Variants in PLEKHS1 observed in about 807,000 individuals in gnomAD.
PLEKHS1 encodes pleckstrin homology domain containing S1.
A neutral mutation model predicts 51.0 loss-of-function variants in PLEKHS1; 55 were observed. The observed-to-expected ratio is 1.08, with a 90% CI of 0.87 to 1.35. The LOEUF is 1.35. PLEKHS1 is among the 40% of genes most tolerant of loss of function. The probability of loss-of-function intolerance (pLI) is 0.00; values close to 1 mark genes in which losing one functional copy is unlikely to be tolerated. For missense variants in PLEKHS1, 398 were observed against 423.0 expected (o/e 0.94, Z 0.52); for synonymous variants, 153 against 144.8 (o/e 1.06, Z -0.41).
exon 9 of PLEKHS1, chr10:113,774,326 G>A: frequency 6.4e-7 from 1 of 1,566,332 alleles, no homozygotes; most frequent in Non-Finnish European, 8.6e-7. Context: ...TGAGCCAATG[G>A]AATCCTAGTA....
rs766318592 is a variant in PLEKHS1 at position 113,771,963 on chromosome 10, TC to T, written c.553-6del. On this transcript the variant is annotated splice_polypyrimidine_tract_variant and splice_region_variant and intron_variant, in intron 7 of 11. Transcript: ENST00000361048. Reference sequence around the variant, plus strand: ...AAAAGCAAAGCATTTTTATCTCTTTTCTTCAGCATTTAATGGAACAAAGTTC... The same window carrying T: ...AAAAGCAAAGCATTTTTATCTCTTTTTTCAGCATTTAATGGAACAAAGTTC... The T allele has an allele frequency of 6.2e-7, 1 of 1,601,678 alleles. No homozygotes were observed. Among genetic ancestry groups the T allele is most frequent in the Non-Finnish European group, 8.5e-7 (1 of 1,177,180 alleles).
At chr10:113,763,554 A>T (rs1844036567) in intron 2 of PLEKHS1, among the ~76,000 whole-genome samples, 1 of 151,902 alleles carries the variant, frequency 6.6e-6, no homozygotes, top group East Asian at 1.9e-4. Context: ...GAATAATCGA[A>T]TTTTTTATGA....
intron 1 of PLEKHS1, among the ~76,000 whole-genome samples, chr10:113,752,880 G>C (rs1853913413): frequency 6.6e-6 from 1 of 152,300 alleles, no homozygotes; most frequent in East Asian, 1.9e-4. Context: ...GAGTGTCCAT[G>C]AGCATGAATG....
intron 7 of PLEKHS1, 58 bp from the exon 8 acceptor site, chr10:113,771,912 T>C: frequency 6.4e-7 from 1 of 1,556,320 alleles, no homozygotes; most frequent in East Asian, 2.3e-5. Flanking sequence ...AGAATGCATG[T>C]GATTTAATTC....
intron 11 of PLEKHS1, among the ~76,000 whole-genome samples, chr10:113,778,874 G>A (rs987376537): frequency 2.6e-5 from 4 of 152,062 alleles, no homozygotes; most frequent in Non-Finnish European, 4.4e-5. Context: ...CTCGTGATCC[G>A]CCCGCCTCGG....
At chr10:113,761,109 C>G (rs1438359687) in intron 2 of PLEKHS1, among the ~76,000 whole-genome samples, 3 of 152,176 alleles carry the variant, frequency 2.0e-5, no homozygotes, top group Non-Finnish European at 2.9e-5. Context: ...GGGTTTGTTT[C>G]TGGACTCTGA....
chr10:113,778,238 G>C (rs1379824411), intron 11 of PLEKHS1, among the ~76,000 whole-genome samples: 1 of 152,196 alleles, frequency 6.6e-6, no homozygotes, highest in Non-Finnish European at 1.5e-5. Flanking sequence ...CCCCAGGATG[G>C]AGGTGAAAGG....
At chr10:113,769,322 T>C (rs1844296809) in intron 6 of PLEKHS1, among the ~76,000 whole-genome samples, 1 of 152,256 alleles carries the variant, frequency 6.6e-6, no homozygotes, top group African/African-American at 2.4e-5. Flanking sequence ...GTTTTAAACT[T>C]ATTTCAAAAG....
chr10:113,776,121 C>T (rs77678534), intron 11 of PLEKHS1, among the ~76,000 whole-genome samples: 2 of 152,104 alleles, frequency 1.3e-5, no homozygotes, highest in African/African-American at 4.8e-5. Flanking sequence ...TTTCTGACTC[C>T]TCTAAGGGAG....
chr10:113,757,076 C>T (rs1476569415), intron 2 of PLEKHS1, among the ~76,000 whole-genome samples: 1 of 152,100 alleles, frequency 6.6e-6, no homozygotes, highest in East Asian at 1.9e-4. Flanking sequence ...ATGCCTGGCT[C>T]ATTTTTTTGT....
At chr10:113,775,792 G>A in exon 11 of PLEKHS1, 1 of 1,613,046 alleles carries the variant, frequency 6.2e-7, no homozygotes, top group South Asian at 1.1e-5. Flanking sequence ...GCCAAGTGGA[G>A]AAACTGAACG....
intron 5 of PLEKHS1, 55 bp downstream of exon 5, chr10:113,767,534 CA>C: frequency 1.3e-6 from 2 of 1,501,930 alleles, no homozygotes; most frequent in Non-Finnish European, 1.8e-6. Context: ...AAAAACAAAC[CA>C]AAAAACAAAA....
At position 113,774,747 on chromosome 10, in the gene PLEKHS1, A is replaced by T. The variant is rs544659513; in HGVS notation, c.780-79A>T. 1.8e-4 allele frequency: 235 copies of T among 1,297,862 alleles called. 1 individual carries two copies. In the African/African-American group the frequency reaches 3.1e-3, roughly 17 times the overall value. The allele number at this position is 1,297,862 out of a possible 1,614,324, so 80.4% of individuals were successfully genotyped here. A position where few individuals can be genotyped will look rare whatever the true frequency, so the allele number is the denominator to read the frequency against. On this transcript the variant is annotated intron_variant, in intron 9 of 11. Coordinates refer to ENST00000361048, the Ensembl canonical transcript of PLEKHS1. ...GCTAGTCTTCACATGGCTGTTAGCT[A>T]CTTAAATCTGACACACACAGGGGAA...
intron 2 of PLEKHS1, among the ~76,000 whole-genome samples, chr10:113,760,649 T>C (rs903009133): frequency 6.6e-6 from 1 of 152,234 alleles, no homozygotes; most frequent in East Asian, 1.9e-4. Flanking sequence ...GTTCACTTTT[T>C]AGTTGAGTTG....
intron 2 of PLEKHS1, 93 bp downstream of exon 2, chr10:113,755,398 G>T: frequency 6.6e-7 from 1 of 1,515,752 alleles, no homozygotes; most frequent in African/African-American, 1.4e-5. Context: ...GAACTTGGTG[G>T]TTTTTGTGTA....
chr10:113,769,292 T>C (rs902190853), intron 6 of PLEKHS1, among the ~76,000 whole-genome samples: 17 of 151,748 alleles, frequency 1.1e-4, no homozygotes, highest in African/African-American at 4.1e-4. Flanking sequence ...ATCTTTCATG[T>C]ACATGCTTAG....
Position 113,768,239 on chromosome 10 carries a change from C to A in PLEKHS1, c.360-576C>A, listed in dbSNP as rs375806304. Among the ~76,000 whole-genome samples the A allele has an allele frequency of 2.6e-5, 4 of 152,092 alleles. No individual in the cohort carries two copies. In the East Asian group the frequency reaches 5.8e-4, roughly 22 times the overall value. On this transcript the variant is annotated intron_variant, in intron 5 of 11. Coordinates refer to ENST00000361048, the Ensembl canonical transcript of PLEKHS1. ...GGGGCTTCTGGTCCTAGCAAAGGTG[C>A]CTAGTGGACTCTTCATGGATGATTA... is the stretch of plus-strand genomic sequence containing the variant.
intron 8 of PLEKHS1, among the ~76,000 whole-genome samples, chr10:113,773,494 G>A (rs73361847): frequency 0.02 from 2,971 of 152,262 alleles, 92 homozygotes; most frequent in African/African-American, 0.067. Flanking sequence ...GAGCTCTGCC[G>A]TAGCTGAGGT....
At chr10:113,756,710 G>A (rs1041822485) in intron 2 of PLEKHS1, among the ~76,000 whole-genome samples, 2 of 152,136 alleles carry the variant, frequency 1.3e-5, no homozygotes, top group African/African-American at 4.8e-5. Context: ...CAGAAGGAAT[G>A]GCATGACCAA....
Sources: gnomAD v4.1 joint callset for allele counts (sites outside exome capture counted in the v4.1 genomes callset) on GRCh38, gnomAD v4.1.1 for gene constraint, MANE v1.5 for transcripts, NCBI Gene and HGNC (gene_info 2026-07-23, HGNC 2026-07-21) for gene names.